The following SCUBE1 variants were observed in gnomAD, a reference collection of about 807,000 sequenced individuals.
SCUBE1 encodes signal peptide, CUB domain and EGF like domain containing 1, also known as signal peptide, CUB and EGF-like domain-containing protein 1.
Under a neutral mutation model 124.4 loss-of-function variants are expected in SCUBE1, and 59 were observed. The observed-to-expected ratio is 0.47, with a 90% CI of 0.38 to 0.59. SCUBE1 has a LOEUF of 0.59. SCUBE1 is among the 20% of genes least tolerant of loss of function. SCUBE1 has a pLI of 0.00. For missense variants in SCUBE1, 1,150 were observed against 1,371.2 expected (o/e 0.84, Z 2.55); for synonymous variants, 545 against 550.9 (o/e 0.99, Z 0.15).
chr22:43,264,601 T>C (rs5759237), intron 4 of SCUBE1, among the ~76,000 whole-genome samples: 65,613 of 151,504 alleles, frequency 0.43, 16,117 homozygotes, highest in East Asian at 0.95. Flanking sequence ...GCAAGCCATC[T>C]CCCTGACCGT....
intron 4 of SCUBE1, among the ~76,000 whole-genome samples, chr22:43,279,465 C>T (rs1298890439): frequency 2.0e-5 from 3 of 152,200 alleles, no homozygotes; most frequent in Non-Finnish European, 2.9e-5. Context: ...TGATTGTGTC[C>T]CCTCCAAAAT....
chr22:43,281,618 G>GC (rs1924913033), intron 4 of SCUBE1, among the ~76,000 whole-genome samples: 1 of 140,868 alleles, frequency 7.1e-6, no homozygotes, highest in Non-Finnish European at 1.5e-5. Flanking sequence ...CTCCTCCTCA[G>GC]CAACCCTGTC....
chr22:43,316,000 G>C (rs969492037), intron 3 of SCUBE1, among the ~76,000 whole-genome samples: 1 of 152,156 alleles, frequency 6.6e-6, no homozygotes, highest in Non-Finnish European at 1.5e-5. Context: ...AGGCACAGCC[G>C]TGGGAGCGCA....
chr22:43,211,696 T>G lies in SCUBE1; in HGVS notation c.2222-613A>C, dbSNP rs1326139398. Among the ~76,000 whole-genome samples, 1 of 151,908 alleles carries G rather than the reference T, an allele frequency of 6.6e-6. No homozygotes were observed. The highest frequency in any genetic ancestry group is 1.9e-4 in the East Asian group (1 of 5,190). On this transcript the variant is annotated intron_variant, in intron 17 of 21. Coordinates refer to ENST00000360835, the MANE Select transcript of SCUBE1 (RefSeq NM_173050.5). This position sits in a 1 kb window ranked among gnomAD's most constrained non-coding sequence, Gnocchi z 4.5. ...CACACCCGGCTAATTATTTTTGTAT[T>G]TTTTTTAAGTAGAGACAGGGTTTTG...
At chr22:43,276,438 G>A (rs529932815) in intron 4 of SCUBE1, among the ~76,000 whole-genome samples, 6 of 152,186 alleles carry the variant, frequency 3.9e-5, no homozygotes, top group African/African-American at 4.8e-5. Flanking sequence ...GGCCTCAGGC[G>A]GGTGACGAGG....
chr22:43,322,349 C>T (rs1450548667), intron 2 of SCUBE1, among the ~76,000 whole-genome samples: 1 of 152,260 alleles, frequency 6.6e-6, no homozygotes, highest in Admixed American at 6.5e-5. Context: ...GACCTTTCTC[C>T]AGAGCCCCAG....
chr22:43,292,556 A>ACACACACACAC (rs1925402162), intron 3 of SCUBE1, among the ~76,000 whole-genome samples: 22 of 139,600 alleles, frequency 1.6e-4, no homozygotes, highest in Non-Finnish European at 3.1e-4. Flanking sequence ...CCCGGTCCCT[A>ACACACACACAC]ACACACACAC....
intron 5 of SCUBE1, among the ~76,000 whole-genome samples, chr22:43,261,664 C>T (rs2146711055): frequency 6.6e-6 from 1 of 152,318 alleles, no homozygotes; most frequent in Middle Eastern, 3.4e-3. Context: ...GCCTCAGTCT[C>T]TCATTTCCAC....
intron 4 of SCUBE1, among the ~76,000 whole-genome samples, chr22:43,274,456 G>A (rs991507365): frequency 2.6e-5 from 4 of 152,238 alleles, no homozygotes; most frequent in African/African-American, 9.6e-5. Context: ...CGGACGGACA[G>A]GCTGTCTAGT....
In SCUBE1 at chr22:43,200,137, G is replaced by A. The variant is rs1176905744; in HGVS notation, c.*3860C>T. Reference sequence around the variant, plus strand: ...CACAGAGTTCCTCTGGTTCCCTGGGGTGCCATGCTCCATTAGGAGCTGACC... The same window carrying A: ...CACAGAGTTCCTCTGGTTCCCTGGGATGCCATGCTCCATTAGGAGCTGACC... On this transcript the variant is annotated 3_prime_UTR_variant, in exon 22 of 22. Coordinates refer to ENST00000360835, the MANE Select transcript of SCUBE1 (RefSeq NM_173050.5). 6.6e-6 allele frequency: 1 copy of A among 152,258 alleles called. No individual in the cohort carries two copies. The highest frequency in any genetic ancestry group is 1.5e-5 in the Non-Finnish European group (1 of 68,076). 9.4% of individuals were successfully genotyped at this position (152,258 alleles called of 1,614,324 possible). A position where few individuals can be genotyped will look rare whatever the true frequency, so the allele number is the denominator to read the frequency against.
chr22:43,205,426 C>T (rs2146646945), intron 21 of SCUBE1, among the ~76,000 whole-genome samples: 1 of 152,102 alleles, frequency 6.6e-6, no homozygotes, highest in Non-Finnish European at 1.5e-5. Flanking sequence ...GACAGAGTCC[C>T]CAGAGCCTGG....
rs116588851 is a variant in SCUBE1, at chr22:43,241,672, G to A, written c.728-2718C>T. Among the ~76,000 whole-genome samples, 1,519 of 152,254 alleles carry A rather than the reference G, an allele frequency of 1.0e-2. 25 individuals carry two copies. Among genetic ancestry groups the A allele is most frequent in the African/African-American group, 0.034 (1,431 of 41,532 alleles). On this transcript the variant is annotated intron_variant, in intron 6 of 21. Transcript: ENST00000360835. ...CTCTCCCCCTGGGACCCAGGGCCTG[G>A]GCCTGCTGCTTCCCCAGCACTTCCC... is the stretch of plus-strand genomic sequence containing the variant.
intron 7 of SCUBE1, among the ~76,000 whole-genome samples, chr22:43,236,349 GGGC>G: frequency 6.6e-6 from 1 of 152,216 alleles, no homozygotes; most frequent in African/African-American, 2.4e-5. Flanking sequence ...GCTGAAATGT[GGGC>G]ATCTATGGAC....
chr22:43,252,884 C>T (rs1923509906), intron 6 of SCUBE1, among the ~76,000 whole-genome samples: 2 of 149,384 alleles, frequency 1.3e-5, no homozygotes, highest in African/African-American at 5.0e-5. Context: ...GAACGGTCAC[C>T]TCCCTTACTC....
intron 3 of SCUBE1, among the ~76,000 whole-genome samples, chr22:43,298,155 C>A (rs546683392): frequency 6.6e-6 from 1 of 152,328 alleles, no homozygotes; most frequent in South Asian, 2.1e-4. Context: ...TAAATGAGAA[C>A]CAGATGGATT....
chr22:43,333,196 G>T (rs1422202417), intron 2 of SCUBE1, among the ~76,000 whole-genome samples: 1 of 152,202 alleles, frequency 6.6e-6, no homozygotes, highest in Non-Finnish European at 1.5e-5. Context: ...ACTCCACACA[G>T]CCAGGACTTT....
Position 43,331,902 on chromosome 22 carries a change from G to C in SCUBE1, c.220+7202C>G, listed in dbSNP as rs1926915334. Among the ~76,000 whole-genome samples, 2 of 152,210 alleles carry C rather than the reference G, an allele frequency of 1.3e-5. 1 individual carries two copies. Among genetic ancestry groups the C allele is most frequent in the South Asian group, 4.1e-4 (2 of 4,834 alleles). ...CACGCTTAGTTAAACGGAGAGGCAA[G>C]AGGAAACGGGGTGTGCAAAGGTCCA... On this transcript the variant is annotated intron_variant, in intron 2 of 21. Transcript: ENST00000360835.
intron 4 of SCUBE1, among the ~76,000 whole-genome samples, chr22:43,289,881 G>A (rs1165301529): frequency 1.4e-5 from 2 of 147,324 alleles, no homozygotes; most frequent in Non-Finnish European, 1.5e-5. Flanking sequence ...ATCTCTCAGC[G>A]TGAGCCCCTC....
chr22:43,323,724 C>T (rs79211485), intron 2 of SCUBE1, among the ~76,000 whole-genome samples: 2,434 of 152,238 alleles, frequency 0.016, 34 homozygotes, highest in Non-Finnish European at 0.018. Flanking sequence ...TGCACACACA[C>T]GCACATTCAA....
Sources: allele counts gnomAD v4.1 joint callset (sites outside exome capture counted in the v4.1 genomes callset), GRCh38; gene constraint gnomAD v4.1.1; non-coding constraint Gnocchi (gnomAD v3.1); transcripts MANE v1.5; gene names NCBI Gene and HGNC (gene_info 2026-07-23, HGNC 2026-07-21).